The following FNDC3B variants were observed in gnomAD, a reference collection of about 807,000 sequenced individuals.
FNDC3B encodes the protein fibronectin type III domain-containing protein 3B.
In FNDC3B, 12 loss-of-function variants were observed where a neutral mutation model predicts 151.5. The ratio of observed to expected loss-of-function variants is 0.08; its 90% CI spans 0.05 to 0.13. The LOEUF (loss-of-function observed/expected upper bound fraction) is 0.13. Ranked by LOEUF, FNDC3B falls within the 10% of genes least tolerant of loss-of-function variation. FNDC3B has a pLI of 1.00. For missense variants in FNDC3B, 1,214 were observed against 1,505.3 expected (o/e 0.81, Z 3.20); for synonymous variants, 528 against 549.0 (o/e 0.96, Z 0.54).
intron 25 of FNDC3B, among the ~76,000 whole-genome samples, chr3:172,390,681 T>C (rs1055690073): frequency 6.6e-6 from 1 of 151,912 alleles, no homozygotes; most frequent in Non-Finnish European, 1.5e-5. Context: ...GATATAAATA[T>C]ATATTTATAT....
At chr3:172,325,666 C>T (rs1388789348) in intron 11 of FNDC3B, among the ~76,000 whole-genome samples, 4 of 152,192 alleles carry the variant, frequency 2.6e-5, no homozygotes, top group South Asian at 2.1e-4. Context: ...CCAGAGCCGT[C>T]GGAGAGCCTG....
chr3:172,062,315 CTTT>C (rs879410385), intron 1 of FNDC3B, among the ~76,000 whole-genome samples: 1 of 144,376 alleles, frequency 6.9e-6, no homozygotes. Flanking sequence ...TCTCCTCCTT[CTTT>C]TTTTTTTTTT....
At chr3:172,315,736 C>T (rs1576903311) in intron 11 of FNDC3B, among the ~76,000 whole-genome samples, 1 of 152,152 alleles carries the variant, frequency 6.6e-6, no homozygotes, top group Non-Finnish European at 1.5e-5. Context: ...ACTTGTCATT[C>T]TGATGGGTAG....
intron 1 of FNDC3B, among the ~76,000 whole-genome samples, chr3:172,084,476 CACACACACAT>C (rs1718448755): frequency 6.6e-6 from 1 of 151,584 alleles, no homozygotes; most frequent in Non-Finnish European, 1.5e-5. Flanking sequence ...TATGTATACA[CACACACACAT>C]ACACACACAC....
At chr3:172,160,265 T>C (rs1722701887) in intron 3 of FNDC3B, among the ~76,000 whole-genome samples, 1 of 152,244 alleles carries the variant, frequency 6.6e-6, no homozygotes, top group Non-Finnish European at 1.5e-5. Context: ...TAGGCTGTGC[T>C]CACTGGGCCT....
chr3:172,344,006 C>T (rs1022792129), intron 18 of FNDC3B, 80 bp from the exon 19 acceptor site: 2 of 1,369,252 alleles, frequency 1.5e-6, no homozygotes, highest in Admixed American at 2.0e-5. Context: ...ATATTTTGCT[C>T]AACTTGTGTG....
chr3:172,232,175 C>A (rs1489224549), intron 4 of FNDC3B, among the ~76,000 whole-genome samples: 1 of 152,078 alleles, frequency 6.6e-6, no homozygotes, highest in African/African-American at 2.4e-5. Flanking sequence ...GCCACCACAC[C>A]CTGCCAGTAT....
intron 3 of FNDC3B, among the ~76,000 whole-genome samples, chr3:172,156,645 A>C (rs1052523649): frequency 1.3e-5 from 2 of 151,694 alleles, no homozygotes; most frequent in Admixed American, 1.3e-4. Context: ...TGGAAAACCT[A>C]ACCATGAAAG....
chr3:172,188,595 TG>T (rs907972912), intron 3 of FNDC3B, among the ~76,000 whole-genome samples: 3 of 151,946 alleles, frequency 2.0e-5, no homozygotes, highest in Middle Eastern at 3.4e-3. Context: ...TTGGTAGAGA[TG>T]GGGTTTCACC....
At chr3:172,083,996 A>G (rs984441734) in intron 1 of FNDC3B, among the ~76,000 whole-genome samples, 2 of 152,006 alleles carry the variant, frequency 1.3e-5, no homozygotes, top group Non-Finnish European at 2.9e-5. Context: ...TTTTCAGACA[A>G]TAGAGAGGTA....
At chr3:172,380,839 G>A in intron 24 of FNDC3B, 127 bp from the exon 25 acceptor site, 1 of 1,033,128 alleles carries the variant, frequency 9.7e-7, no homozygotes, top group Non-Finnish European at 1.4e-6. Context: ...GGGCAAATCA[G>A]CTCCTCTCTC....
intron 6 of FNDC3B, among the ~76,000 whole-genome samples, chr3:172,258,765 T>C (rs1286157592): frequency 6.6e-6 from 1 of 152,208 alleles, no homozygotes; most frequent in Non-Finnish European, 1.5e-5. Context: ...AGATTTTCTT[T>C]TGGAATCTCT....
intron 3 of FNDC3B, among the ~76,000 whole-genome samples, chr3:172,203,797 C>A (rs1396171207): frequency 1.3e-5 from 2 of 152,166 alleles, no homozygotes; most frequent in African/African-American, 4.8e-5. Context: ...TTTTATTACA[C>A]AATGAAATTG....
At chr3:172,048,939 G>T (rs1490563280) in intron 1 of FNDC3B, among the ~76,000 whole-genome samples, 1 of 152,148 alleles carries the variant, frequency 6.6e-6, no homozygotes, top group Non-Finnish European at 1.5e-5. Flanking sequence ...GTAGAATAGA[G>T]ATTACCAGGG....
intron 3 of FNDC3B, among the ~76,000 whole-genome samples, chr3:172,180,303 C>A (rs1201068475): frequency 6.6e-6 from 1 of 152,096 alleles, no homozygotes; most frequent in East Asian, 1.9e-4. Context: ...GAGGGGGAGT[C>A]TCTGGAAGTA....
chr3:172,247,494 A>T, intron 4 of FNDC3B, 39 bp from the exon 5 acceptor site: 1 of 1,600,904 alleles, frequency 6.2e-7, no homozygotes, highest in Non-Finnish European at 8.5e-7. Flanking sequence ...ATAGGCTGCT[A>T]ATATGTACTG....
At position 172,401,141 on chromosome 3, in the gene FNDC3B, T is replaced by G. The variant is rs558234795; in HGVS notation, c.*3666T>G. 1.3e-5 allele frequency: 2 copies of G among 152,302 alleles called. No individual in the cohort carries two copies. Among genetic ancestry groups the G allele is most frequent in the South Asian group, 4.1e-4 (2 of 4,822 alleles). The allele number at this position is 152,302 out of a possible 1,614,324, so 9.4% of individuals were successfully genotyped here. ...TTTCACCATGTTGGCCAAGATGGTC[T>G]CGATCTGACCTCGTGATCTGCCCGC... is the stretch of plus-strand genomic sequence containing the variant. On this transcript the variant is annotated 3_prime_UTR_variant, in exon 26 of 26. Transcript: ENST00000415807.
At chr3:172,299,835 G>A (rs572273117) in intron 9 of FNDC3B, among the ~76,000 whole-genome samples, 31 of 152,036 alleles carry the variant, frequency 2.0e-4, no homozygotes, top group African/African-American at 6.8e-4. Context: ...CCCTGAACGG[G>A]CTGTTTTAAC....
chr3:172,196,960 A>G (rs2108682188), intron 3 of FNDC3B, among the ~76,000 whole-genome samples: 1 of 152,260 alleles, frequency 6.6e-6, no homozygotes, highest in Non-Finnish European at 1.5e-5. Context: ...AGGCGGACGG[A>G]TCATGAGGTC....
Sources: gnomAD v4.1 joint callset for allele counts (sites outside exome capture counted in the v4.1 genomes callset) on GRCh38, gnomAD v4.1.1 for gene constraint, MANE v1.5 for transcripts, NCBI Gene and HGNC (gene_info 2026-07-23, HGNC 2026-07-21) for gene names.